The following AVL9 variants were observed in gnomAD, a reference collection of about 807,000 sequenced individuals.
AVL9 encodes AVL9 cell migration associated, also known as late secretory pathway protein AVL9 homolog.
In AVL9, 49 loss-of-function variants were observed where a neutral mutation model predicts 79.2. That is an observed-to-expected ratio of 0.62 (90% CI 0.49 to 0.79). The LOEUF is 0.79. Ranked by LOEUF, AVL9 falls within the 30% of genes least tolerant of loss-of-function variation. AVL9 has a pLI of 0.00. For synonymous variants in AVL9, 299 were observed against 280.6 expected (o/e 1.07, Z -0.65); for missense variants, 682 against 776.8 (o/e 0.88, Z 1.45).
chr7:32,580,668 T>G (rs1192048174), intron 14 of AVL9, 134 bp from the exon 15 acceptor site: 8 of 620,948 alleles, frequency 1.3e-5, no homozygotes, highest in Admixed American at 3.2e-5. Flanking sequence ...ATAATTTAGC[T>G]TCTTTTCTCA....
Position 32,559,336 on chromosome 7 carries a change from G to C in AVL9, c.1087G>C (p.Val363Leu), listed in dbSNP as rs543618011. ...DQTNLFPKDS[V>L]PSESLPITVQ... ...GACAAATTTGTTTCCAAAGGACTCTGTCCCCTCAGAGAGTCTTCCAATTAC... is the reference window on the plus strand; with the variant it reads ...GACAAATTTGTTTCCAAAGGACTCTCTCCCCTCAGAGAGTCTTCCAATTAC... The change falls in exon 10 of 16, where the codon GTC becomes CTC. Residue 363 changes from valine (V) to leucine (L), a missense_variant. By Grantham distance (32) the Val-to-Leu change is conservative (BLOSUM62 1). Coordinates refer to ENST00000318709, the MANE Select transcript of AVL9 (RefSeq NM_015060.3). The C allele has an allele frequency of 6.2e-6, 10 of 1,614,184 alleles. No homozygotes were observed. In the African/African-American group the frequency reaches 6.7e-5, roughly 11 times the overall value.
At chr7:32,560,231 T>C (rs1406283367) in intron 10 of AVL9, among the ~76,000 whole-genome samples, 2 of 138,444 alleles carry the variant, frequency 1.4e-5, no homozygotes, top group African/African-American at 2.7e-5. Context: ...ATAATAAATG[T>C]TTATTATTTA....
At position 32,586,464 on chromosome 7, in the gene AVL9, C is replaced by CT. The variant is rs898270170; in HGVS notation, c.*2557_*2558insT. ...AAGCCTCACCCCTGGTCCTGTGACC[C>CT]CCCCCCCCCACACACACACATACTT... On this transcript the variant is annotated 3_prime_UTR_variant, in exon 16 of 16. Coordinates refer to ENST00000318709, the MANE Select transcript of AVL9 (RefSeq NM_015060.3). The CT allele has an allele frequency of 9.0e-5, 4 of 44,458 alleles. No homozygotes were observed. Among genetic ancestry groups the CT allele is most frequent in the South Asian group, 8.8e-4 (1 of 1,132 alleles). The allele number at this position is 44,458 out of a possible 1,614,324, so 2.8% of individuals were successfully genotyped here.
intron 1 of AVL9, chr7:32,532,603 C>T (rs1232691742): frequency 1.3e-5 from 2 of 152,158 alleles, no homozygotes; most frequent in Non-Finnish European, 2.9e-5. Flanking sequence ...TTTTCATGCT[C>T]ATAATCCAAG....
chr7:32,503,315 AAAAGATATATATATATATC>A (rs1273621455), intron 1 of AVL9, among the ~76,000 whole-genome samples: 2 of 137,232 alleles, frequency 1.5e-5, no homozygotes, highest in Non-Finnish European at 3.1e-5. Context: ...CATCTCTACT[AAAAGATATATATATATATC>A]TATATATATA....
chr7:32,497,833 A>G (rs1472256718), intron 1 of AVL9, among the ~76,000 whole-genome samples: 4 of 151,952 alleles, frequency 2.6e-5, no homozygotes, highest in East Asian at 1.9e-4. Flanking sequence ...TTGTATTTTT[A>G]GTAGAGACGG....
chr7:32,519,404 G>T (rs1788044092), intron 1 of AVL9, among the ~76,000 whole-genome samples: 1 of 151,208 alleles, frequency 6.6e-6, no homozygotes, highest in African/African-American at 2.4e-5. Flanking sequence ...CTCCAGCTTG[G>T]GCGACAGAGC....
intron 5 of AVL9, among the ~76,000 whole-genome samples, chr7:32,551,770 CTAG>C: frequency 6.6e-6 from 1 of 151,850 alleles, no homozygotes; most frequent in East Asian, 1.9e-4. Context: ...TTTCTGGTTC[CTAG>C]TTCCCAATAC....
chr7:32,565,569 A>AAAG (rs1554345224), intron 10 of AVL9, among the ~76,000 whole-genome samples: 2 of 151,474 alleles, frequency 1.3e-5, no homozygotes, highest in African/African-American at 4.9e-5. Context: ...CAAAAAAAAA[A>AAAG]AAAGAAAGAA....
intron 1 of AVL9, among the ~76,000 whole-genome samples, chr7:32,529,905 T>C (rs1788571906): frequency 6.6e-6 from 1 of 152,226 alleles, no homozygotes; most frequent in East Asian, 1.9e-4. Context: ...GCTGTCTCTT[T>C]TGTGTCTTTT....
intron 1 of AVL9, among the ~76,000 whole-genome samples, chr7:32,507,890 A>G (rs1165855545): frequency 6.6e-6 from 1 of 152,230 alleles, no homozygotes; most frequent in East Asian, 1.9e-4. Context: ...AACACTGGGC[A>G]TTGTCCATCC....
chr7:32,573,732 CAT>C (rs1239055640), intron 12 of AVL9, among the ~76,000 whole-genome samples: 4 of 152,120 alleles, frequency 2.6e-5, no homozygotes, highest in Non-Finnish European at 5.9e-5. Context: ...ATAACATGAA[CAT>C]ATATCATCAC....
chr7:32,578,903 T>C (rs1791221454), intron 13 of AVL9, among the ~76,000 whole-genome samples: 1 of 152,126 alleles, frequency 6.6e-6, no homozygotes, highest in Non-Finnish European at 1.5e-5. Context: ...TGAAACCCTT[T>C]AACTCCTAAA....
rs974631027 is a variant in AVL9 at position 32,535,111 on chromosome 7, T to C, written c.94-8030T>C. The C allele has an allele frequency of 1.6e-4, 24 of 152,222 alleles. 1 individual carries two copies. The highest frequency in any genetic ancestry group is 5.8e-4 in the African/African-American group (24 of 41,456). The allele number at this position is 152,222 out of a possible 1,614,324, so 9.4% of individuals were successfully genotyped here. A position where few individuals can be genotyped will look rare whatever the true frequency, so the allele number is the denominator to read the frequency against. On this transcript the variant is annotated intron_variant, in intron 1 of 15. Transcript: ENST00000318709. ...CTTCTCCTGTGTCTGTTTCCCAAAA[T>C]AATCAGTTTAAAGTAATCCTGTGCC...
chr7:32,525,765 T>C (rs1788375535), intron 1 of AVL9, among the ~76,000 whole-genome samples: 1 of 152,226 alleles, frequency 6.6e-6, no homozygotes, highest in Non-Finnish European at 1.5e-5. Context: ...ATGTTATTTA[T>C]TTCTCCTTGT....
intron 10 of AVL9, among the ~76,000 whole-genome samples, chr7:32,564,984 A>G (rs1583584033): frequency 6.6e-6 from 1 of 152,216 alleles, no homozygotes; most frequent in South Asian, 2.1e-4. Context: ...AAGATACAGT[A>G]GCTATTTTCT....
chr7:32,520,853 T>C (rs1383408070), intron 1 of AVL9, among the ~76,000 whole-genome samples: 1 of 152,128 alleles, frequency 6.6e-6, no homozygotes, highest in Non-Finnish European at 1.5e-5. Context: ...TCAACTTGAA[T>C]TGTATCTCCC....
chr7:32,499,599 T>C (rs548675674), intron 1 of AVL9, among the ~76,000 whole-genome samples: 1 of 152,310 alleles, frequency 6.6e-6, no homozygotes, highest in East Asian at 1.9e-4. Context: ...TTAATTATAC[T>C]TTAAGTTCTG....
intron 10 of AVL9, chr7:32,562,454 A>G (rs968174399): frequency 5.5e-6 from 1 of 180,800 alleles, no homozygotes; most frequent in African/African-American, 2.4e-5. Flanking sequence ...AATTGTTCTA[A>G]CCCTATTTTT....
Sources: gnomAD v4.1 joint callset for allele counts (sites outside exome capture counted in the v4.1 genomes callset) on GRCh38, gnomAD v4.1.1 for gene constraint, MANE v1.5 for transcripts, NCBI Gene and HGNC (gene_info 2026-07-23, HGNC 2026-07-21) for gene names.